INSR: variants seen among roughly 807,000 people sequenced by gnomAD.
The protein encoded by INSR is IR.
In INSR, 67 loss-of-function variants were observed where a neutral mutation model predicts 142.6. The ratio of observed to expected loss-of-function variants is 0.47; its 90% CI spans 0.39 to 0.58. INSR has a LOEUF of 0.58. Among genes scored for constraint, INSR ranks in the 20% least tolerant of loss-of-function variants. The pLI is 0.00. For synonymous variants in INSR, 756 were observed against 743.1 expected, an observed-to-expected ratio of 1.02 and a Z score of -0.28; for missense variants, 1,248 against 1,833.2, an observed-to-expected ratio of 0.68 and a Z score of 5.83.
intron 19 of INSR, 185 bp downstream of exon 19, chr19:7,122,429 A>G: frequency 1.6e-6 from 1 of 628,738 alleles, no homozygotes; most frequent in Non-Finnish European, 2.7e-6. Context: ...GGCAACAGAC[A>G]GAGTAAGACT....
chr19:7,228,170 C>T (rs1041261518), intron 2 of INSR, among the ~76,000 whole-genome samples: 4 of 152,132 alleles, frequency 2.6e-5, no homozygotes, highest in Non-Finnish European at 4.4e-5. Context: ...GTATCCAGAC[C>T]TATAGTCCAG....
intron 12 of INSR, 49 bp from the exon 13 acceptor site, chr19:7,141,865 C>A (rs1973077610): frequency 4.8e-6 from 7 of 1,472,348 alleles, no homozygotes; most frequent in South Asian, 1.1e-5. Flanking sequence ...TGGATGAGAT[C>A]CCACTTCTGC....
intron 2 of INSR, among the ~76,000 whole-genome samples, chr19:7,262,365 G>A (rs796149557): frequency 3.9e-5 from 6 of 152,252 alleles, no homozygotes; most frequent in African/African-American, 1.4e-4. Context: ...CGAGCCACGC[G>A]GGAGGCTGAG....
At chr19:7,262,773 C>T (rs1333579643) in intron 2 of INSR, among the ~76,000 whole-genome samples, 1 of 152,212 alleles carries the variant, frequency 6.6e-6, no homozygotes, top group Non-Finnish European at 1.5e-5. Context: ...TCTGATTCCA[C>T]TCACAGGAGG....
At chr19:7,255,384 C>T (rs188811807) in intron 2 of INSR, among the ~76,000 whole-genome samples, 1 of 152,276 alleles carries the variant, frequency 6.6e-6, no homozygotes, top group East Asian at 1.9e-4. Flanking sequence ...GGACCCTGCA[C>T]TGGTCCAAGC....
intron 2 of INSR, among the ~76,000 whole-genome samples, chr19:7,198,892 CT>C (rs200740237): frequency 0.037 from 5,320 of 143,376 alleles, 232 homozygotes; most frequent in African/African-American, 0.1. Context: ...CATAAATACA[CT>C]TTTTTTGGGG....
Position 7,143,109 on chromosome 19 carries a change from A to G in INSR, c.2268-19T>C. 2 of 1,613,980 alleles carry G rather than the reference A, an allele frequency of 1.2e-6. No homozygotes were observed. Among genetic ancestry groups the G allele is most frequent in the Non-Finnish European group, 1.7e-6 (2 of 1,179,918 alleles). On this transcript the variant is annotated intron_variant, in intron 11 of 21. Coordinates refer to ENST00000302850, the MANE Select transcript of INSR (RefSeq NM_000208.4). ...AGATGGCCTGGAACGACAGTAGGAC[A>G]TGTATGATGACACCATCACCATCAT...
chr19:7,152,727 T>G lies in INSR; in HGVS notation c.2230A>C (p.Arg744=). 6.2e-7 allele frequency: 1 copy of G among 1,612,270 alleles called. No individual in the cohort carries two copies. Among genetic ancestry groups the G allele is most frequent in the Non-Finnish European group, 8.5e-7 (1 of 1,179,704 alleles). Residue 744 remains arginine, a splice_region_variant and synonymous_variant, in exon 10 of 22, where the codon AGA becomes CGA. Coordinates refer to ENST00000302850, the MANE Select transcript of INSR (RefSeq NM_000208.4). ...DYLHNVVFVP[R]KTSSGTGAED... Reference sequence around the variant, plus strand: ...GAGAGCCCAGCGCCAAGTCCTGACCTGGGGACGAAAACCACGTTGTGCAGG... The same window carrying G: ...GAGAGCCCAGCGCCAAGTCCTGACCGGGGGACGAAAACCACGTTGTGCAGG...
intron 2 of INSR, among the ~76,000 whole-genome samples, chr19:7,204,400 C>T (rs187416270): frequency 6.6e-5 from 10 of 152,150 alleles, no homozygotes; most frequent in Non-Finnish European, 1.2e-4. Context: ...CGAGAGTCTT[C>T]GTGTGTCATC....
intron 2 of INSR, among the ~76,000 whole-genome samples, chr19:7,233,668 C>CTTTTTTTTTTTTTTT (rs35763064): frequency 1.4e-5 from 1 of 72,408 alleles, no homozygotes; most frequent in Non-Finnish European, 2.4e-5. Context: ...CTTTTTCTGT[C>CTTTTTTTTTTTTTTT]TTTTTTTTTT....
In INSR at chr19:7,150,307, C is replaced by T. The variant is rs980220791; in HGVS notation, c.2267+190G>A. ...GTGTGTTAGTGAAGGTTTCTCCCCA[C>T]ATTCATGCCCAGATTTCATTTCAGA... On this transcript the variant is annotated intron_variant, in intron 11 of 21. Transcript: ENST00000302850. This position sits in a 1 kb window ranked among gnomAD's most constrained non-coding sequence, Gnocchi z 4.2. Among the ~76,000 whole-genome samples the T allele has an allele frequency of 6.6e-6, 1 of 152,226 alleles. No homozygotes were observed. The highest frequency in any genetic ancestry group is 1.5e-5 in the Non-Finnish European group (1 of 68,038).
At position 7,163,073 on chromosome 19, in the gene INSR, G is replaced by T. The variant is rs201034510; in HGVS notation, c.1988C>A (p.Ala663Glu). The change falls in exon 9 of 22, where the codon GCG becomes GAG. Residue 663 changes from alanine to glutamate, a missense_variant. Physicochemically the swap from Ala to Glu is moderately radical, Grantham distance 107. Coordinates refer to ENST00000302850, the MANE Select transcript of INSR (RefSeq NM_000208.4). ...THYLVFWERQAEDSELFELDY... is the reference protein window; with the variant it reads ...THYLVFWERQEEDSELFELDY... ...CAGCTCGAACAGCTCACTGTCTTCC[G>T]CCTGCCTCTCCCAGAAAACCAGGTA... 6 of 1,612,996 alleles carry T rather than the reference G, an allele frequency of 3.7e-6. No individual in the cohort carries two copies. In the African/African-American group the frequency reaches 5.3e-5, roughly 14 times the overall value.
intron 3 of INSR, among the ~76,000 whole-genome samples, chr19:7,182,308 T>C (rs1214579493): frequency 1.3e-5 from 2 of 151,976 alleles, no homozygotes; most frequent in Non-Finnish European, 1.5e-5. Flanking sequence ...CACTTCAGTC[T>C]GGGCAACAAG....
rs57665258 is a variant in INSR, at chr19:7,136,828, C to CATATATATATAT, written c.2683-4523_2683-4512dup. On this transcript the variant is annotated intron_variant, in intron 13 of 21. Transcript: ENST00000302850. Reference sequence around the variant, plus strand: ...ATGTAAAACTTTATTTATTTATTTACATATATATATATATATATATTGAGA... The same window carrying CATATATATATAT: ...ATGTAAAACTTTATTTATTTATTTACATATATATATATATATATATATATATATATATTGAGA... Among the ~76,000 whole-genome samples, 54 of 139,838 alleles carry CATATATATATAT rather than the reference C, an allele frequency of 3.9e-4. 3 individuals are homozygous for CATATATATATAT. Among genetic ancestry groups the CATATATATATAT allele is most frequent in the African/African-American group, 1.4e-3 (48 of 34,616 alleles). 91.7% of individuals were successfully genotyped at this position (139,838 alleles called of 152,430 possible). A position where few individuals can be genotyped will look rare whatever the true frequency, so the allele number is the denominator to read the frequency against.
intron 2 of INSR, among the ~76,000 whole-genome samples, chr19:7,261,076 C>T (rs557073830): frequency 1.1e-4 from 16 of 151,876 alleles, no homozygotes; most frequent in African/African-American, 3.4e-4. Flanking sequence ...TTTGTCGAGA[C>T]GGGGTTTCTC....
At chr19:7,180,616 T>C (rs1974250476) in intron 3 of INSR, among the ~76,000 whole-genome samples, 1 of 151,314 alleles carries the variant, frequency 6.6e-6, no homozygotes, top group Admixed American at 6.6e-5. Flanking sequence ...GCACGGATGA[T>C]TGACTCAGAC....
At chr19:7,214,387 C>T (rs1026050068) in intron 2 of INSR, among the ~76,000 whole-genome samples, 3 of 152,152 alleles carry the variant, frequency 2.0e-5, no homozygotes, top group African/African-American at 7.2e-5. Context: ...ACGGCTAGGC[C>T]GCCGACTGCC....
intron 2 of INSR, among the ~76,000 whole-genome samples, chr19:7,213,494 C>A (rs1396073551): frequency 3.3e-5 from 5 of 152,124 alleles, no homozygotes; most frequent in Non-Finnish European, 5.9e-5. Context: ...CTTGCAGGTC[C>A]TTTATTTATC....
Position 7,131,963 on chromosome 19 carries a change from A to T in INSR, c.2842+195T>A, listed in dbSNP as rs148105306. On this transcript the variant is annotated intron_variant, in intron 14 of 21. Transcript: ENST00000302850. ...CAGTGAGCTGAGATTGTGCCAGTGC[A>T]CTCCAAAGCAAGCCTCCATCTCAAA... Among the ~76,000 whole-genome samples, 950 of 149,804 alleles carry T rather than the reference A, an allele frequency of 6.3e-3. 10 individuals are homozygous for T. The highest frequency in any genetic ancestry group is 0.023 in the African/African-American group (920 of 40,768).
Sources: gnomAD v4.1 joint callset for allele counts (sites outside exome capture counted in the v4.1 genomes callset) on GRCh38, gnomAD v4.1.1 for gene constraint, Gnocchi (gnomAD v3.1) non-coding constraint, MANE v1.5 for transcripts, NCBI Gene and HGNC (gene_info 2026-07-23, HGNC 2026-07-21) for gene names.